The following ANO1 variants were observed in gnomAD, a reference collection of about 807,000 sequenced individuals.
ANO1 encodes anoctamin-1.
In ANO1, 59 loss-of-function variants were observed where a neutral mutation model predicts 124.0. That is an observed-to-expected ratio of 0.48 (90% confidence interval 0.39 to 0.59). The LOEUF (loss-of-function observed/expected upper bound fraction) is 0.59, where lower values mean the gene tolerates loss of function less well. Among genes scored for constraint, ANO1 ranks in the 20% least tolerant of loss-of-function variants. ANO1 has a pLI of 0.00. For synonymous variants in ANO1, 529 were observed against 532.0 expected, an observed-to-expected ratio of 0.99 and a Z score of 0.08; for missense variants, 1,059 against 1,328.0, an observed-to-expected ratio of 0.80 and a Z score of 3.15.
At chr11:70,075,941 A>C (rs1459101035), upstream of ANO1, among the ~76,000 whole-genome samples, 4 of 152,144 alleles carry the variant, frequency 2.6e-5, no homozygotes, top group Non-Finnish European at 5.9e-5. Context: ...TATTGTTTTT[A>C]CTTTGTGTCG....
At chr11:70,170,366 T>A (rs2048415136) in intron 21 of ANO1, among the ~76,000 whole-genome samples, 1 of 152,102 alleles carries the variant, frequency 6.6e-6, no homozygotes, top group South Asian at 2.1e-4. Context: ...GCACTTTGGG[T>A]GGATGACTTG....
chr11:70,105,111 C>T (rs1339329220), intron 4 of ANO1, among the ~76,000 whole-genome samples: 1 of 152,112 alleles, frequency 6.6e-6, no homozygotes, highest in Non-Finnish European at 1.5e-5. Flanking sequence ...CCTGGGTCGA[C>T]TCTGTCAGCC....
intron 18 of ANO1, among the ~76,000 whole-genome samples, chr11:70,162,310 C>A (rs530395263): frequency 6.1e-4 from 92 of 152,022 alleles, no homozygotes; most frequent in Middle Eastern, 3.4e-3. Flanking sequence ...GCAGTGAGGA[C>A]CCTGGGCAGA....
At chr11:69,998,402 C>T (rs943951344) in intron 1 of ANO1, among the ~76,000 whole-genome samples, 2 of 152,158 alleles carry the variant, frequency 1.3e-5, no homozygotes, top group Non-Finnish European at 2.9e-5. Flanking sequence ...GCAGATTCTC[C>T]TGTGTCCAGC....
intron 1 of ANO1, among the ~76,000 whole-genome samples, chr11:70,016,968 C>T (rs1271871105): frequency 4.6e-5 from 7 of 152,240 alleles, no homozygotes; most frequent in African/African-American, 1.7e-4. Context: ...AGAGATTCTA[C>T]TTAGTTTACT....
chr11:70,028,094 C>A (rs1360013930), intron 1 of ANO1, among the ~76,000 whole-genome samples: 1 of 152,116 alleles, frequency 6.6e-6, no homozygotes, highest in African/African-American at 2.4e-5. Context: ...AGAAATAGAT[C>A]CGAATAAGCG....
chr11:70,025,934 G>T (rs2135014173), intron 1 of ANO1, among the ~76,000 whole-genome samples: 1 of 151,012 alleles, frequency 6.6e-6, no homozygotes, highest in South Asian at 2.1e-4. Context: ...TGATGATGGT[G>T]CTGGTGGTAG....
upstream of ANO1, among the ~76,000 whole-genome samples, chr11:70,076,992 G>A (rs1242586671): frequency 6.2e-5 from 3 of 48,330 alleles, no homozygotes; most frequent in Non-Finnish European, 1.4e-4. Flanking sequence ...CAAGGAGGCT[G>A]GCACAAGGTC....
intron 1 of ANO1, among the ~76,000 whole-genome samples, chr11:70,045,830 GA>G (rs1476030683): frequency 6.6e-6 from 1 of 152,222 alleles, no homozygotes; most frequent in Non-Finnish European, 1.5e-5. Flanking sequence ...ACTCATGTTA[GA>G]AAAATTGAGA....
intron 22 of ANO1, among the ~76,000 whole-genome samples, chr11:70,171,893 C>T (rs2048486025): frequency 6.6e-6 from 1 of 152,026 alleles, no homozygotes; most frequent in Admixed American, 6.5e-5. Context: ...AGTGAGCCCA[C>T]ATAGGTTGTG....
chr11:69,984,282 G>T (rs1855984826), upstream of ANO1, among the ~76,000 whole-genome samples: 1 of 151,738 alleles, frequency 6.6e-6, no homozygotes, highest in African/African-American at 2.4e-5. Flanking sequence ...TGGGGCACAC[G>T]TCCCGGGGCT....
intron 22 of ANO1, among the ~76,000 whole-genome samples, chr11:70,172,137 GA>G (rs2048501495): frequency 7.3e-5 from 9 of 122,960 alleles, no homozygotes; most frequent in South Asian, 2.5e-4. Flanking sequence ...AAAAAAAAAA[GA>G]AAAGAAAAGA....
chr11:70,062,067 C>CTTTTTT (rs1175846749), intron 1 of ANO1, among the ~76,000 whole-genome samples: 10 of 62,264 alleles, frequency 1.6e-4, no homozygotes, highest in African/African-American at 2.5e-4. Flanking sequence ...TTCCTTCTTT[C>CTTTTTT]TTTTTTTTTT....
At chr11:70,164,888 A>C (rs1369740035) in intron 19 of ANO1, among the ~76,000 whole-genome samples, 1 of 151,628 alleles carries the variant, frequency 6.6e-6, no homozygotes, top group Non-Finnish European at 1.5e-5. Flanking sequence ...ACCCCTGCTT[A>C]CTCCCTCCCA....
chr11:70,111,831 C>G, intron 7 of ANO1, 69 bp downstream of exon 7: 3 of 1,524,154 alleles, frequency 2.0e-6, no homozygotes, highest in African/African-American at 1.4e-5. Context: ...GGCCACACCC[C>G]CCCGGGAGCT....
At chr11:70,066,453 GA>G (rs1378457501) in intron 1 of ANO1, among the ~76,000 whole-genome samples, 2 of 152,220 alleles carry the variant, frequency 1.3e-5, no homozygotes, top group Admixed American at 1.3e-4. Flanking sequence ...TGCAGGGACA[GA>G]GGGGGAGGAG....
chr11:70,062,710 C>T (rs1382501540), intron 1 of ANO1, among the ~76,000 whole-genome samples: 3 of 152,166 alleles, frequency 2.0e-5, no homozygotes, highest in Non-Finnish European at 1.5e-5. Flanking sequence ...TGGGCAGGTT[C>T]CCAAACCTGC....
chr11:70,027,861 C>T (rs978643343), intron 1 of ANO1, among the ~76,000 whole-genome samples: 2 of 152,070 alleles, frequency 1.3e-5, no homozygotes, highest in South Asian at 2.1e-4. Context: ...ACCACGGAGG[C>T]GCATCCTTAG....
chr11:70,093,174 C>T (rs113302060), intron 2 of ANO1, among the ~76,000 whole-genome samples: 3 of 151,372 alleles, frequency 2.0e-5, no homozygotes, highest in African/African-American at 7.3e-5. Flanking sequence ...CCCTCTCTAT[C>T]ATTCCCTTTC....
Sources: gnomAD v4.1 joint callset for allele counts (sites outside exome capture counted in the v4.1 genomes callset) on GRCh38, gnomAD v4.1.1 for gene constraint, MANE v1.5 for transcripts, NCBI Gene and HGNC (gene_info 2026-07-23, HGNC 2026-07-21) for gene names.